Variants in NAA38 observed in about 807,000 individuals in gnomAD.
NAA38 encodes LSM domain containing 1.
A neutral mutation model predicts 12.6 loss-of-function variants in NAA38; 15 were observed. The ratio of observed to expected loss-of-function variants is 1.19; its 90% CI spans 0.79 to 1.83. The LOEUF (loss-of-function observed/expected upper bound fraction) is 1.83. Ranked by LOEUF, NAA38 falls within the 40% of genes most tolerant of loss-of-function variation. The probability of loss-of-function intolerance (pLI) is 0.00; values close to 1 mark genes in which losing one functional copy is unlikely to be tolerated. For synonymous variants in NAA38, 88 were observed against 69.9 expected, an observed-to-expected ratio of 1.26 and a Z score of -1.29; for missense variants, 183 against 171.7, an observed-to-expected ratio of 1.07 and a Z score of -0.37.
chr17:7,857,465 T>TG lies in NAA38; in HGVS notation c.-3dup. On this transcript the variant is annotated 5_prime_UTR_variant, in exon 1 of 3. Transcript: ENST00000575771. ...CATGGTCGGTCCAGCTCCGGCCATT[T>TG]GCCCGGAGGCCTCCTCTGGGCCTTT... 1 of 1,530,086 alleles carries TG rather than the reference T, an allele frequency of 6.5e-7. No homozygotes were observed. 94.8% of individuals were successfully genotyped at this position (1,530,086 alleles called of 1,614,324 possible).
At chr17:7,866,140 G>A (rs1261105750) in intron 3 of NAA38, 2 of 160,810 alleles carry the variant, frequency 1.2e-5, no homozygotes, top group Admixed American at 6.7e-5. Context: ...AGGCTGGAGT[G>A]CAGCGGCACG....
intron 2 of NAA38, among the ~76,000 whole-genome samples, chr17:7,880,012 G>C (rs995040710): frequency 6.6e-6 from 1 of 152,062 alleles, no homozygotes; most frequent in Non-Finnish European, 1.5e-5. Context: ...AACAGAGAGA[G>C]AGAGAAAGAG....
rs569154702 is a variant in NAA38 at position 7,866,542 on chromosome 17, C to T, written c.-49G>A. On this transcript the variant is annotated 5_prime_UTR_variant, in exon 3 of 5. Transcript: ENST00000576861. ...CTTTCAGGCTCTTCTTTGTCTCCCA[C>T]GTTGGCCTTTCAGTTTCTGAAATGC... is the stretch of plus-strand genomic sequence containing the variant. 1.2e-4 allele frequency: 153 copies of T among 1,231,018 alleles called. 2 individuals are homozygous for T. The African/African-American group carries it at 2.0e-3, about 16-fold the overall frequency. The allele number at this position is 1,231,018 out of a possible 1,614,324, so 76.3% of individuals were successfully genotyped here. A position where few individuals can be genotyped will look rare whatever the true frequency, so the allele number is the denominator to read the frequency against.
upstream of NAA38, chr17:7,858,798 C>G (rs2078857983): frequency 6.4e-7 from 1 of 1,564,908 alleles, no homozygotes; most frequent in African/African-American, 1.4e-5. Flanking sequence ...CATTAACACG[C>G]TCACGTCGCA....
intron 1 of NAA38, chr17:7,885,042 C>CGCCGCCACCGCT (rs1325615556): frequency 9.1e-7 from 1 of 1,094,990 alleles, no homozygotes; most frequent in East Asian, 5.3e-5. Flanking sequence ...CCGCCGCCGC[C>CGCCGCCACCGCT]GCCGCCACCG....
At chr17:7,880,009 A>G (rs951960601) in intron 2 of NAA38, among the ~76,000 whole-genome samples, 1 of 152,096 alleles carries the variant, frequency 6.6e-6, no homozygotes, top group Non-Finnish European at 1.5e-5. Context: ...GCAAACAGAG[A>G]GAGAGAGAAA....
upstream of NAA38, chr17:7,858,625 C>A (rs1283335860): frequency 6.2e-7 from 1 of 1,604,562 alleles, no homozygotes; most frequent in Non-Finnish European, 8.5e-7. Flanking sequence ...CACATAGATC[C>A]GCTGACCGGC....
intron 2 of NAA38, chr17:7,877,063 A>T (rs1967187071): frequency 2.6e-6 from 1 of 390,566 alleles, no homozygotes; most frequent in South Asian, 1.9e-5. Flanking sequence ...TCAAAGAACC[A>T]GAGATTCATG....
At chr17:7,857,843 T>C, upstream of NAA38, 1 of 1,363,462 alleles carries the variant, frequency 7.3e-7, no homozygotes, top group Non-Finnish European at 9.5e-7. Flanking sequence ...ACGGAGCGTA[T>C]TCGTTCTCTG....
At chr17:7,858,448 T>C (rs1372284978), upstream of NAA38, 2 of 1,614,066 alleles carry the variant, frequency 1.2e-6, no homozygotes, top group Admixed American at 1.7e-5. Flanking sequence ...GGCCAGGATA[T>C]CAGCCACTGG....
At chr17:7,874,370 A>T (rs1967137427) in intron 2 of NAA38, among the ~76,000 whole-genome samples, 1 of 152,186 alleles carries the variant, frequency 6.6e-6, no homozygotes, top group African/African-American at 2.4e-5. Context: ...CAAGGGACCA[A>T]AAAGTCTGGG....
rs776032070 is a variant in NAA38 at position 7,857,410 on chromosome 17, A to C, written c.54T>G (p.Ser18Arg). The change falls in exon 1 of 3, where the codon AGT becomes AGG. Residue 18 changes from serine to arginine, a missense_variant. Coordinates refer to ENST00000575771, the MANE Select transcript of NAA38 (RefSeq NM_001320925.4). ...MLLREENGCC[S>R]RRQSSSSAGD... Reference sequence around the variant, plus strand: ...CAGCACTGGAGCTGCTCTGACGCCGACTGCAACAGCCATTCTCTTCTCGTA... The same window carrying C: ...CAGCACTGGAGCTGCTCTGACGCCGCCTGCAACAGCCATTCTCTTCTCGTA... 1 of 1,598,466 alleles carries C rather than the reference A, an allele frequency of 6.3e-7. No homozygotes were observed. Among genetic ancestry groups the C allele is most frequent in the Non-Finnish European group, 8.5e-7 (1 of 1,174,704 alleles).
chr17:7,857,633 T>C (rs936783984), upstream of NAA38: 1 of 1,352,484 alleles, frequency 7.4e-7, no homozygotes, highest in Non-Finnish European at 9.5e-7. Flanking sequence ...CCTACTTCTC[T>C]AGCGCTGTGG....
chr17:7,861,527 G>C (rs554835999), upstream of NAA38: 1 of 152,148 alleles, frequency 6.6e-6, no homozygotes, highest in South Asian at 2.1e-4. Flanking sequence ...CAAGCCTCAG[G>C]GCCTGTCCTG....
chr17:7,861,403 A>C (rs1479288834), upstream of NAA38: 1 of 152,190 alleles, frequency 6.6e-6, no homozygotes, highest in Non-Finnish European at 1.5e-5. Flanking sequence ...GGAGTCCATG[A>C]ATTATCTAAA....
chr17:7,867,741 A>G (rs1967014586), intron 2 of NAA38, among the ~76,000 whole-genome samples: 1 of 152,192 alleles, frequency 6.6e-6, no homozygotes, highest in Non-Finnish European at 1.5e-5. Context: ...AAGTGGAGAC[A>G]GAGAGACCTG....
intron 2 of NAA38, among the ~76,000 whole-genome samples, chr17:7,870,038 GAA>G (rs1268951513): frequency 2.0e-5 from 3 of 152,170 alleles, no homozygotes; most frequent in African/African-American, 7.2e-5. Context: ...TGTCAAATGG[GAA>G]AAAGTTTGGT....
intron 1 of NAA38, chr17:7,885,026 C>CCGCCGG: frequency 9.5e-7 from 1 of 1,048,162 alleles, no homozygotes; most frequent in Non-Finnish European, 1.2e-6. Context: ...CCACCTCTTC[C>CCGCCGG]CGCCGCCGCC....
At chr17:7,878,650 C>G (rs977218667) in intron 2 of NAA38, among the ~76,000 whole-genome samples, 3 of 152,066 alleles carry the variant, frequency 2.0e-5, no homozygotes, top group African/African-American at 7.2e-5. Flanking sequence ...GGCTGAAACC[C>G]GGGAGGCAGA....
Sources: allele counts gnomAD v4.1 joint callset (sites outside exome capture counted in the v4.1 genomes callset), GRCh38; gene constraint gnomAD v4.1.1; transcripts MANE v1.5; gene names NCBI Gene and HGNC (gene_info 2026-07-23, HGNC 2026-07-21).